Variants in RPTOR observed in about 807,000 individuals in gnomAD.
The protein encoded by RPTOR is regulatory associated protein of MTOR complex 1.
A neutral mutation model predicts 169.9 loss-of-function variants in RPTOR; 21 were observed. The observed-to-expected ratio is 0.12, with a 90% confidence interval of 0.09 to 0.18. RPTOR has a LOEUF of 0.18. RPTOR is among the 10% of genes least tolerant of loss of function. The pLI is 1.00. For synonymous variants in RPTOR, 732 were observed against 753.2 expected, an observed-to-expected ratio of 0.97 and a Z score of 0.46; for missense variants, 1,133 against 1,855.9, an observed-to-expected ratio of 0.61 and a Z score of 7.16.
chr17:80,567,597 C>T (rs2064857869), intron 1 of RPTOR, among the ~76,000 whole-genome samples: 1 of 151,762 alleles, frequency 6.6e-6, no homozygotes, highest in South Asian at 2.1e-4. Flanking sequence ...CAAGACCAGC[C>T]TGGTCAACAT....
At chr17:80,899,998 G>C (rs1328161953) in intron 20 of RPTOR, among the ~76,000 whole-genome samples, 1 of 152,058 alleles carries the variant, frequency 6.6e-6, no homozygotes, top group East Asian at 1.9e-4. Flanking sequence ...GTGCATGCTG[G>C]GGCACAAAAG....
chr17:80,549,485 A>G (rs1244501405), intron 1 of RPTOR, among the ~76,000 whole-genome samples: 1 of 151,960 alleles, frequency 6.6e-6, no homozygotes, highest in African/African-American at 2.4e-5. Context: ...AATTTTTTTC[A>G]TATTTTTATT....
At chr17:80,670,992 G>A (rs1333783698) in intron 3 of RPTOR, among the ~76,000 whole-genome samples, 5 of 152,280 alleles carry the variant, frequency 3.3e-5, no homozygotes, top group Middle Eastern at 3.4e-3. Context: ...CCTGGAGGTC[G>A]GTTGCCTCCA....
chr17:80,619,948 G>A (rs2065342537), intron 1 of RPTOR, among the ~76,000 whole-genome samples: 1 of 151,968 alleles, frequency 6.6e-6, no homozygotes, highest in Admixed American at 6.6e-5. Flanking sequence ...AAGTGCCGTG[G>A]AGATCTTTGA....
At position 80,966,117 on chromosome 17, in the gene RPTOR, ACCCCCCCCCGCC is replaced by A. The variant is rs1050001076; in HGVS notation, c.*1791_*1802del. 26 of 181,562 alleles carry A rather than the reference ACCCCCCCCCGCC, an allele frequency of 1.4e-4. No homozygotes were observed. The highest frequency in any genetic ancestry group is 6.6e-4 in the African/African-American group (22 of 33,322). The allele number at this position is 181,562 out of a possible 1,614,324, so 11.2% of individuals were successfully genotyped here. ...GGCAGGTGGCTCCAGAGGGGTCAAG[ACCCCCCCCCGCC>A]CCCGCTCCACCCTGGAGCCCACCCC... On this transcript the variant is annotated 3_prime_UTR_variant, in exon 34 of 34. Coordinates refer to ENST00000306801, the MANE Select transcript of RPTOR (RefSeq NM_020761.3).
intron 6 of RPTOR, among the ~76,000 whole-genome samples, chr17:80,781,666 C>T (rs2143457523): frequency 6.6e-6 from 1 of 152,338 alleles, no homozygotes; most frequent in East Asian, 1.9e-4. Context: ...TCTAAATACA[C>T]TGGGCTTGGA....
intron 24 of RPTOR, among the ~76,000 whole-genome samples, chr17:80,939,786 T>G (rs1304640931): frequency 2.6e-5 from 4 of 152,212 alleles, no homozygotes; most frequent in Non-Finnish European, 5.9e-5. Context: ...GCCTCCTGAT[T>G]GTGTTTTCAG....
At chr17:80,798,701 G>C (rs541553612) in intron 7 of RPTOR, among the ~76,000 whole-genome samples, 5 of 152,254 alleles carry the variant, frequency 3.3e-5, no homozygotes, top group South Asian at 2.1e-4. Context: ...CTGAGCCAAG[G>C]GGGGGCCAAG....
intron 1 of RPTOR, among the ~76,000 whole-genome samples, chr17:80,613,851 G>A (rs572307553): frequency 6.6e-6 from 1 of 152,204 alleles, no homozygotes; most frequent in Non-Finnish European, 1.5e-5. Flanking sequence ...GTTGAGACTC[G>A]GGCTGGGCCG....
At chr17:80,789,872 T>A (rs577870289) in intron 6 of RPTOR, among the ~76,000 whole-genome samples, 1 of 152,392 alleles carries the variant, frequency 6.6e-6, no homozygotes, top group African/African-American at 2.4e-5. Flanking sequence ...CTTATCATTA[T>A]TGGCAAAAGG....
intron 3 of RPTOR, among the ~76,000 whole-genome samples, chr17:80,702,933 G>A (rs921293704): frequency 5.3e-5 from 8 of 152,162 alleles, no homozygotes; most frequent in Admixed American, 1.3e-4. Flanking sequence ...AAAAACTGCC[G>A]CAGCAGTAAT....
chr17:80,634,628 G>A lies in RPTOR; in HGVS notation c.265+8835G>A, dbSNP rs1315134499. On this transcript the variant is annotated intron_variant, in intron 2 of 33. Transcript: ENST00000306801. ...CTGTGTGTGTACTGTGTGCGTGTGC[G>A]TACTGTGTGTGTGCATACTGTATGT... 2.8e-4 allele frequency among the ~76,000 whole-genome samples: 26 copies of A among 92,966 alleles called. 1 individual carries two copies. Among genetic ancestry groups the A allele is most frequent in the South Asian group, 1.7e-3 (4 of 2,416 alleles). The allele number at this position is 92,966 out of a possible 152,430, so 61.0% of individuals were successfully genotyped here. A position where few individuals can be genotyped will look rare whatever the true frequency, so the allele number is the denominator to read the frequency against.
intron 27 of RPTOR, 85 bp from the exon 28 acceptor site, chr17:80,949,358 A>C: frequency 8.5e-7 from 1 of 1,173,946 alleles, no homozygotes; most frequent in Non-Finnish European, 1.3e-6. Context: ...CACGTCTGCC[A>C]GGAAGGGCTC....
intron 20 of RPTOR, among the ~76,000 whole-genome samples, chr17:80,896,507 G>A (rs1387911927): frequency 1.2e-4 from 16 of 136,304 alleles, no homozygotes; most frequent in African/African-American, 8.3e-5. Context: ...CCCCACGGCC[G>A]CACCGACACC....
At chr17:80,832,072 G>A (rs776923162) in intron 9 of RPTOR, among the ~76,000 whole-genome samples, 2 of 152,222 alleles carry the variant, frequency 1.3e-5, no homozygotes, top group African/African-American at 2.4e-5. Flanking sequence ...TGGATACGGA[G>A]GGCATGCAGC....
chr17:80,666,760 G>A (rs2065783061), intron 3 of RPTOR, among the ~76,000 whole-genome samples: 1 of 152,202 alleles, frequency 6.6e-6, no homozygotes, highest in Non-Finnish European at 1.5e-5. Context: ...GGGGAGATGG[G>A]TGGCCGAGCA....
At position 80,708,638 on chromosome 17, in the gene RPTOR, AG is replaced by A. The variant is rs959839031; in HGVS notation, c.507+642del. On this transcript the variant is annotated intron_variant, in intron 4 of 33. Transcript: ENST00000306801. This position sits in a 1 kb window ranked among gnomAD's most constrained non-coding sequence, Gnocchi z 4.2. ...GGTGCTGACTGTCTCCTCATCCTCC[AG>A]GGTGTGGTGGGTGCTGACTGTTGTC... 7.1e-6 allele frequency among the ~76,000 whole-genome samples: 1 copy of A among 141,552 alleles called. No homozygotes were observed. Among genetic ancestry groups the A allele is most frequent in the African/African-American group, 2.8e-5 (1 of 35,214 alleles). 92.9% of individuals were successfully genotyped at this position (141,552 alleles called of 152,430 possible). A position where few individuals can be genotyped will look rare whatever the true frequency, so the allele number is the denominator to read the frequency against.
Position 80,783,805 on chromosome 17 carries a change from G to A in RPTOR, c.831-7645G>A, listed in dbSNP as rs962414747. On this transcript the variant is annotated intron_variant, in intron 6 of 33. Coordinates refer to ENST00000306801, the MANE Select transcript of RPTOR (RefSeq NM_020761.3). Reference sequence around the variant, plus strand: ...TTTTGCTAGCTTGCTTCTGTAGCACGGAGGGCCACTATGAAATAGCAAACT... The same window carrying A: ...TTTTGCTAGCTTGCTTCTGTAGCACAGAGGGCCACTATGAAATAGCAAACT... 3.3e-5 allele frequency among the ~76,000 whole-genome samples: 5 copies of A among 152,224 alleles called. 1 individual carries two copies. The South Asian group carries it at 6.2e-4, about 19-fold the overall frequency.
chr17:80,766,777 T>C (rs1246087387), intron 6 of RPTOR, among the ~76,000 whole-genome samples: 1 of 152,184 alleles, frequency 6.6e-6, no homozygotes, highest in Non-Finnish European at 1.5e-5. Flanking sequence ...TTAATGCTAT[T>C]TGTAGTTTTT....
Sources: allele counts gnomAD v4.1 joint callset (sites outside exome capture counted in the v4.1 genomes callset), GRCh38; gene constraint gnomAD v4.1.1; non-coding constraint Gnocchi (gnomAD v3.1); transcripts MANE v1.5; gene names NCBI Gene and HGNC (gene_info 2026-07-23, HGNC 2026-07-21).